Variants in ZFP69B observed in about 807,000 individuals in gnomAD.
ZFP69B encodes the protein zinc finger protein 69 homolog B.
A neutral mutation model predicts 19.7 loss-of-function variants in ZFP69B; 20 were observed. That is an observed-to-expected ratio of 1.02 (90% CI 0.71 to 1.48). ZFP69B has a LOEUF of 1.48. ZFP69B is among the 40% of genes most tolerant of loss of function. The probability of loss-of-function intolerance (pLI) is 0.00; values close to 1 mark genes in which losing one functional copy is unlikely to be tolerated. For synonymous variants in ZFP69B, 220 were observed against 222.7 expected, an observed-to-expected ratio of 0.99 and a Z score of 0.11; for missense variants, 583 against 632.6, an observed-to-expected ratio of 0.92 and a Z score of 0.84.
intron 1 of ZFP69B, 58 bp from the exon 2 acceptor site, chr1:40,454,144 GT>G: frequency 7.2e-7 from 1 of 1,397,330 alleles, no homozygotes; most frequent in Non-Finnish European, 9.7e-7. Flanking sequence ...TCTGTAGGCA[GT>G]TTCTCTGTTT....
At chr1:40,453,035 A>G (rs994310212) in intron 1 of ZFP69B, among the ~76,000 whole-genome samples, 4 of 118,140 alleles carry the variant, frequency 3.4e-5, no homozygotes, top group Non-Finnish European at 6.7e-5. Flanking sequence ...ATCTTGGCTT[A>G]TTGCAACCTC....
Position 40,462,487 on chromosome 1 carries a change from A to T in ZFP69B, c.503A>T (p.His168Leu), listed in dbSNP as rs1463682466. 6.2e-7 allele frequency: 1 copy of T among 1,613,878 alleles called. No individual in the cohort carries two copies. The highest frequency in any genetic ancestry group is 1.3e-5 in the African/African-American group (1 of 74,922). Residue 168 changes from histidine to leucine, a missense_variant, in exon 5 of 5, where the codon CAT becomes CTT. By Grantham distance (99) the His-to-Leu change is moderately conservative. Transcript: ENST00000361584. ...AATGATATTTCGTGGGAAGAACTAC[A>T]TTGTGGCCTAATGATGGAAAGATTT... ...LQNDISWEEL[H>L]CGLMMERFTK... is the part of the protein sequence containing the mutation.
At chr1:40,452,411 A>G (rs1379351916) in intron 1 of ZFP69B, among the ~76,000 whole-genome samples, 1 of 152,232 alleles carries the variant, frequency 6.6e-6, no homozygotes, top group African/African-American at 2.4e-5. Context: ...TCCTACCAAA[A>G]ATGTTGAACA....
At chr1:40,457,296 A>G in intron 3 of ZFP69B, 48 bp from the exon 4 acceptor site, 1 of 1,591,918 alleles carries the variant, frequency 6.3e-7, no homozygotes, top group Non-Finnish European at 8.6e-7. Context: ...AATTCTTGGG[A>G]TGGCTCTGTG....
chr1:40,452,604 TTGAA>T (rs1183014450), intron 1 of ZFP69B, among the ~76,000 whole-genome samples: 1 of 152,166 alleles, frequency 6.6e-6, no homozygotes, highest in Non-Finnish European at 1.5e-5. Flanking sequence ...AACAACCACT[TTGAA>T]TGTGTGAGCC....
In ZFP69B at chr1:40,463,658, A is replaced by C; in HGVS notation, c.*69A>C. 7.2e-7 allele frequency: 1 copy of C among 1,390,146 alleles called. No individual in the cohort carries two copies. The highest frequency in any genetic ancestry group is 1.5e-5 in the South Asian group (1 of 65,188). The allele number at this position is 1,390,146 out of a possible 1,614,324, so 86.1% of individuals were successfully genotyped here. A position where few individuals can be genotyped will look rare whatever the true frequency, so the allele number is the denominator to read the frequency against. On this transcript the variant is annotated 3_prime_UTR_variant, in exon 5 of 5. Transcript: ENST00000361584. ...TAAATCAGTGGTTCCCTGATCCCTC[A>C]AAAATCCATTTGTTTTTGGATTTCC...
intron 2 of ZFP69B, among the ~76,000 whole-genome samples, chr1:40,456,176 C>T (rs970045282): frequency 4.6e-5 from 7 of 152,122 alleles, no homozygotes; most frequent in South Asian, 4.1e-4. Context: ...CATGAGGAAT[C>T]GCCAGACTCT....
chr1:40,460,493 T>G (rs1645271613), intron 4 of ZFP69B, among the ~76,000 whole-genome samples: 2 of 152,138 alleles, frequency 1.3e-5, no homozygotes, highest in Non-Finnish European at 2.9e-5. Flanking sequence ...TTTAAATTTT[T>G]GTTAAATAAA....
chr1:40,458,221 G>A (rs1027353606), intron 4 of ZFP69B, among the ~76,000 whole-genome samples: 2 of 152,100 alleles, frequency 1.3e-5, no homozygotes, highest in East Asian at 3.8e-4. Context: ...TGTTCTTATG[G>A]CACTATTTTA....
At chr1:40,452,454 T>C (rs1488458855) in intron 1 of ZFP69B, among the ~76,000 whole-genome samples, 1 of 152,210 alleles carries the variant, frequency 6.6e-6, no homozygotes, top group Non-Finnish European at 1.5e-5. Context: ...ACTGAACTGC[T>C]GGTTTACAGA....
chr1:40,456,403 A>G (rs1569975898), intron 2 of ZFP69B, among the ~76,000 whole-genome samples: 1 of 152,234 alleles, frequency 6.6e-6, no homozygotes. Flanking sequence ...TAGATCATAC[A>G]TAATAGACAC....
At chr1:40,454,463 A>G (rs983369390) in intron 2 of ZFP69B, among the ~76,000 whole-genome samples, 175 bp downstream of exon 2, 1 of 151,812 alleles carries the variant, frequency 6.6e-6, no homozygotes, top group Admixed American at 6.6e-5. Context: ...CAGTAGCGCA[A>G]TCTCGGCTCA....
rs1391248878 is a variant in ZFP69B at position 40,463,276 on chromosome 1, G to A, written c.1292G>A (p.Ser431Asn). Reference protein sequence around the residue: ...CNVCSKTFSHSTYLTQHQRTH... With the variant: ...CNVCSKTFSHNTYLTQHQRTH... ...GTATGTAGTAAAACCTTCAGCCATA[G>A]TACATACCTAACTCAACACCAGAGA... is the stretch of plus-strand genomic sequence containing the variant. Residue 431 changes from serine (S) to asparagine (N), a missense_variant, in exon 5 of 5, where the codon AGT (serine) becomes AAT (asparagine). Transcript: ENST00000361584. 4 of 1,614,138 alleles carry A rather than the reference G, an allele frequency of 2.5e-6. No individual in the cohort carries two copies. Among genetic ancestry groups the A allele is most frequent in the Non-Finnish European group, 3.4e-6 (4 of 1,180,026 alleles).
At chr1:40,457,962 AC>A (rs1645249321) in intron 4 of ZFP69B, among the ~76,000 whole-genome samples, 1 of 152,222 alleles carries the variant, frequency 6.6e-6, no homozygotes, top group African/African-American at 2.4e-5. Context: ...TGAGAAATCA[AC>A]CACAGAATTC....
intron 1 of ZFP69B, among the ~76,000 whole-genome samples, chr1:40,451,410 C>T (rs1201702926): frequency 1.3e-5 from 2 of 152,114 alleles, no homozygotes; most frequent in African/African-American, 4.8e-5. Flanking sequence ...CCCAGGGTCA[C>T]ACAGGAACTT....
In ZFP69B at chr1:40,463,162, G is replaced by T; in HGVS notation, c.1178G>T (p.Cys393Phe). 3 of 1,614,132 alleles carry T rather than the reference G, an allele frequency of 1.9e-6. No homozygotes were observed. Among genetic ancestry groups the T allele is most frequent in the Non-Finnish European group, 2.5e-6 (3 of 1,180,018 alleles). ...CATGTTAGAGAGAAACCTTTTACAT[G>T]CAAAGACTGTGGAAAAGCGTTTTTC... ...RTHVREKPFT[C>F]KDCGKAFFQI... Residue 393 changes from cysteine (C) to phenylalanine (F), a missense_variant, in exon 5 of 5, where the codon TGC becomes TTC. Cys to Phe is a radical substitution (Grantham distance 205). Coordinates refer to ENST00000361584, the MANE Select transcript of ZFP69B (RefSeq NM_023070.3).
Position 40,463,409 on chromosome 1 carries a change from T to C in ZFP69B, c.1425T>C (p.Tyr475=), listed in dbSNP as rs995937641. The C allele has an allele frequency of 3.7e-6, 6 of 1,613,962 alleles. No homozygotes were observed. The highest frequency in any genetic ancestry group is 2.7e-5 in the African/African-American group (2 of 74,948). Residue 475 remains tyrosine, a synonymous_variant, in exon 5 of 5, where the codon TAT becomes TAC. Transcript: ENST00000361584. ...HQRVHTGVKP[Y]ECSHCGKAFR... is the part of the protein sequence containing the mutation. ...GAGTCCATACTGGAGTAAAACCTTATGAATGCAGTCATTGTGGGAAAGCCT... is the reference window on the plus strand; with the variant it reads ...GAGTCCATACTGGAGTAAAACCTTACGAATGCAGTCATTGTGGGAAAGCCT...
At position 40,463,322 on chromosome 1, in the gene ZFP69B, A is replaced by G. The variant is rs202149004; in HGVS notation, c.1338A>G (p.Pro446=). 102 of 1,614,018 alleles carry G rather than the reference A, an allele frequency of 6.3e-5. No homozygotes were observed. Among genetic ancestry groups the G allele is most frequent in the Non-Finnish European group, 7.9e-5 (93 of 1,180,026 alleles). The change falls in exon 5 of 5, where the codon CCA becomes CCG. Residue 446 remains proline (P), a synonymous_variant. Coordinates refer to ENST00000361584, the MANE Select transcript of ZFP69B (RefSeq NM_023070.3). The part of the protein sequence containing the change: ...QHQRTHTGER[P]YKCKECGKAF... ...AGAGAACTCATACTGGAGAAAGACC[A>G]TATAAATGTAAGGAATGTGGGAAAG...
At chr1:40,458,995 T>C (rs1645258979) in intron 4 of ZFP69B, among the ~76,000 whole-genome samples, 1 of 152,216 alleles carries the variant, frequency 6.6e-6, no homozygotes, top group Non-Finnish European at 1.5e-5. Flanking sequence ...GGGAGGTTTT[T>C]ATGGGCCAGT....
Sources: gnomAD v4.1 joint callset for allele counts (sites outside exome capture counted in the v4.1 genomes callset) on GRCh38, gnomAD v4.1.1 for gene constraint, MANE v1.5 for transcripts, NCBI Gene and HGNC (gene_info 2026-07-23, HGNC 2026-07-21) for gene names.